Variants in SIPA1L1 observed in about 807,000 individuals in gnomAD.
SIPA1L1 encodes the protein signal-induced proliferation-associated 1-like protein 1.
A neutral mutation model predicts 162.7 loss-of-function variants in SIPA1L1; 26 were observed. That is an observed-to-expected ratio of 0.16 (90% CI 0.12 to 0.22). The LOEUF is 0.22. Ranked by LOEUF, SIPA1L1 falls within the 10% of genes least tolerant of loss-of-function variation. The pLI, the probability that SIPA1L1 is intolerant of heterozygous loss-of-function variation, is 1.00. For synonymous variants in SIPA1L1, 829 were observed against 837.4 expected (o/e 0.99, Z 0.17); for missense variants, 1,874 against 2,241.0 (o/e 0.84, Z 3.31).
chr14:71,713,618 G>GTTAACT (rs531796024), intron 17 of SIPA1L1, among the ~76,000 whole-genome samples: 207 of 152,296 alleles, frequency 1.4e-3, no homozygotes, highest in Non-Finnish European at 2.4e-3. Context: ...TCTGGTTGAT[G>GTTAACT]GTTCATGCCA....
chr14:71,622,710 T>G (rs1184756501), intron 6 of SIPA1L1, among the ~76,000 whole-genome samples: 1 of 152,246 alleles, frequency 6.6e-6, no homozygotes, highest in African/African-American at 2.4e-5. Flanking sequence ...AGGTACTCAT[T>G]CTAACTACAT....
intron 7 of SIPA1L1, among the ~76,000 whole-genome samples, chr14:71,645,809 A>C (rs553956838): frequency 1.3e-5 from 2 of 152,346 alleles, no homozygotes; most frequent in South Asian, 4.1e-4. Context: ...TTTTGATGTC[A>C]TGATCCATCA....
chr14:71,397,594 G>T lies in SIPA1L1; in HGVS notation c.-465+76413G>T, dbSNP rs117609986. The stretch of plus-strand genomic sequence containing the variant: ...ATTTCTAATAAACCTTTTGGTAGCT[G>T]CTCACTGCCTGCAGGCTAAGTTAAG... On this transcript the variant is annotated intron_variant, in intron 2 of 23. Transcript: ENST00000381232. Among the ~76,000 whole-genome samples the T allele has an allele frequency of 5.4e-4, 82 of 152,264 alleles. No homozygotes were observed. In the East Asian group the frequency reaches 0.015, roughly 28 times the overall value.
chr14:71,343,613 T>C lies in SIPA1L1; in HGVS notation c.-465+22432T>C, dbSNP rs74419227. ...CCAAGAATAACCACTGTTACTACTT[T>C]CATGTTTCTTGTCTTTAAAAAATGG... On this transcript the variant is annotated intron_variant, in intron 2 of 23. Coordinates refer to ENST00000381232, the MANE Select transcript of SIPA1L1 (RefSeq NM_001386936.1). 4.0e-3 allele frequency among the ~76,000 whole-genome samples: 602 copies of C among 152,280 alleles called. 10 individuals are homozygous for C. In the East Asian group the frequency reaches 0.057, roughly 14 times the overall value.
At chr14:71,685,874 C>T (rs1019569009) in intron 13 of SIPA1L1, among the ~76,000 whole-genome samples, 10 of 152,138 alleles carry the variant, frequency 6.6e-5, no homozygotes, top group African/African-American at 1.7e-4. Flanking sequence ...CTTTAATTTC[C>T]GTGTGATTAT....
At chr14:71,445,890 T>C (rs1267801650) in intron 2 of SIPA1L1, among the ~76,000 whole-genome samples, 1 of 152,172 alleles carries the variant, frequency 6.6e-6, no homozygotes, top group Non-Finnish European at 1.5e-5. Context: ...GCTCTGTTGC[T>C]CAGGTTGGAG....
chr14:71,346,913 T>C (rs2036222762), intron 2 of SIPA1L1, among the ~76,000 whole-genome samples: 2 of 152,092 alleles, frequency 1.3e-5, no homozygotes, highest in Admixed American at 6.6e-5. Flanking sequence ...CTCTATTGAT[T>C]TGTCTGTTCT....
chr14:71,478,767 T>C (rs2048086586), intron 2 of SIPA1L1, among the ~76,000 whole-genome samples: 1 of 152,166 alleles, frequency 6.6e-6, no homozygotes, highest in Non-Finnish European at 1.5e-5. Flanking sequence ...TTCCTGTGAC[T>C]GCTTGCATTT....
chr14:71,733,755 G>A lies in SIPA1L1; in HGVS notation c.4951G>A (p.Asp1651Asn), dbSNP rs751116447. 4 of 1,613,630 alleles carry A rather than the reference G, an allele frequency of 2.5e-6. No homozygotes were observed. In the South Asian group the frequency reaches 4.4e-5, roughly 18 times the overall value. Residue 1651 changes from aspartate to asparagine, a missense_variant, in exon 21 of 24, where the codon GAC becomes AAC. Asp to Asn is a conservative substitution (Grantham distance 23, BLOSUM62 1). Coordinates refer to ENST00000381232, the MANE Select transcript of SIPA1L1 (RefSeq NM_001386936.1). The part of the protein sequence containing the change: ...MPDPGLMPLP[D>N]TAADLDWSNL... Reference sequence around the variant, plus strand: ...CGACCCTGGCCTGATGCCCCTGCCTGACACTGCTGCAGACTTGGATTGGTC... The same window carrying A: ...CGACCCTGGCCTGATGCCCCTGCCTAACACTGCTGCAGACTTGGATTGGTC...
At chr14:71,415,336 C>G (rs373741123) in intron 2 of SIPA1L1, among the ~76,000 whole-genome samples, 1 of 152,186 alleles carries the variant, frequency 6.6e-6, no homozygotes, top group African/African-American at 2.4e-5. Context: ...TGACCGTTCC[C>G]AGCATCATTC....
chr14:71,544,120 T>C (rs976897716), intron 4 of SIPA1L1, among the ~76,000 whole-genome samples: 2 of 151,128 alleles, frequency 1.3e-5, no homozygotes, highest in Non-Finnish European at 3.0e-5. Context: ...TATACACATA[T>C]ATGCACGTGT....
At chr14:71,648,295 C>G (rs943074563) in intron 7 of SIPA1L1, among the ~76,000 whole-genome samples, 1 of 152,074 alleles carries the variant, frequency 6.6e-6, no homozygotes, top group African/African-American at 2.4e-5. Flanking sequence ...AACTCCATCT[C>G]AAAAATATAT....
chr14:71,337,647 C>A (rs2035234174), intron 2 of SIPA1L1, among the ~76,000 whole-genome samples: 1 of 152,184 alleles, frequency 6.6e-6, no homozygotes, highest in African/African-American at 2.4e-5. Flanking sequence ...CCTCCCATGA[C>A]ACGTGGGAAT....
chr14:71,497,393 A>G (rs187159951), intron 2 of SIPA1L1, among the ~76,000 whole-genome samples: 122 of 152,258 alleles, frequency 8.0e-4, no homozygotes, highest in Admixed American at 2.4e-3. Flanking sequence ...AGGAATTTAA[A>G]TACATGTATG....
At chr14:71,685,688 C>T in intron 13 of SIPA1L1, 57 bp downstream of exon 13, 2 of 1,591,286 alleles carry the variant, frequency 1.3e-6, no homozygotes, top group South Asian at 1.1e-5. Flanking sequence ...GTAAGTAACA[C>T]AGACCCATAA....
intron 4 of SIPA1L1, among the ~76,000 whole-genome samples, chr14:71,539,135 G>A (rs1379552499): frequency 6.6e-6 from 1 of 152,148 alleles, no homozygotes; most frequent in Non-Finnish European, 1.5e-5. Context: ...TGGTCTGTTT[G>A]GAGGACAGTC....
At chr14:71,497,125 C>G (rs533542034) in intron 2 of SIPA1L1, among the ~76,000 whole-genome samples, 1 of 151,960 alleles carries the variant, frequency 6.6e-6, no homozygotes, top group African/African-American at 2.4e-5. Flanking sequence ...GCTGAGATCA[C>G]GCCACTGCAC....
chr14:71,452,781 A>G (rs2045923178), intron 2 of SIPA1L1, among the ~76,000 whole-genome samples: 2 of 152,246 alleles, frequency 1.3e-5, no homozygotes, highest in Admixed American at 1.3e-4. Flanking sequence ...CCTGATGACT[A>G]AAGAGGACTA....
At chr14:71,630,097 A>G (rs1239109058) in intron 7 of SIPA1L1, among the ~76,000 whole-genome samples, 1 of 152,244 alleles carries the variant, frequency 6.6e-6, no homozygotes, top group Non-Finnish European at 1.5e-5. Context: ...TGGCAGAACA[A>G]TTGCCATTCC....
Sources: allele counts gnomAD v4.1 joint callset (sites outside exome capture counted in the v4.1 genomes callset), GRCh38; gene constraint gnomAD v4.1.1; transcripts MANE v1.5; gene names NCBI Gene and HGNC (gene_info 2026-07-23, HGNC 2026-07-21).